Variants in SUV39H2 observed in about 807,000 individuals in gnomAD.
SUV39H2 encodes SUV39H2 histone lysine methyltransferase, also known as histone-lysine N-methyltransferase SUV39H2.
Under a neutral mutation model 47.5 loss-of-function variants are expected in SUV39H2, and 10 were observed. That is an observed-to-expected ratio of 0.21 (90% CI 0.13 to 0.36). The LOEUF (loss-of-function observed/expected upper bound fraction) is 0.36, where lower values mean the gene tolerates loss of function less well. Among genes scored for constraint, SUV39H2 ranks in the 10% least tolerant of loss-of-function variants. The probability of loss-of-function intolerance (pLI) is 1.00; values close to 1 mark genes in which losing one functional copy is unlikely to be tolerated. For missense variants in SUV39H2, 266 were observed against 487.4 expected (o/e 0.55, Z 4.28); for synonymous variants, 159 against 166.8 (o/e 0.95, Z 0.36).
chr10:14,889,007 G>T (rs2131681630), intron 2 of SUV39H2, among the ~76,000 whole-genome samples: 1 of 152,206 alleles, frequency 6.6e-6, no homozygotes, highest in East Asian at 1.9e-4. Flanking sequence ...AGAGGCTGAG[G>T]CAGGAGAATA....
chr10:14,899,117 C>A, intron 3 of SUV39H2: 1 of 652,416 alleles, frequency 1.5e-6, no homozygotes, highest in East Asian at 2.7e-5. Context: ...CCCAGGAGTT[C>A]CAGACCAGTG....
At chr10:14,885,546 T>G (rs568074307) in intron 2 of SUV39H2, among the ~76,000 whole-genome samples, 1 of 152,296 alleles carries the variant, frequency 6.6e-6, no homozygotes, top group South Asian at 2.1e-4. Context: ...GAATCCTGAG[T>G]GTTGTAGTTC....
intron 2 of SUV39H2, among the ~76,000 whole-genome samples, chr10:14,890,439 C>G (rs1217534725): frequency 6.6e-6 from 1 of 152,208 alleles, no homozygotes; most frequent in African/African-American, 2.4e-5. Context: ...GTTGCCCAAG[C>G]TGGAGTGCAG....
At chr10:14,884,325 C>A (rs190182648) in intron 2 of SUV39H2, among the ~76,000 whole-genome samples, 1 of 152,268 alleles carries the variant, frequency 6.6e-6, no homozygotes. Flanking sequence ...ACATCCTGGC[C>A]AAAACATGAT....
At chr10:14,897,601 T>TAAA in intron 3 of SUV39H2, 84 bp downstream of exon 3, 2 of 1,150,906 alleles carry the variant, frequency 1.7e-6, no homozygotes, top group Non-Finnish European at 2.3e-6. Context: ...CTTTAAGAGA[T>TAAA]ACTTGGTACA....
chr10:14,901,417 A>G (rs1032536312), intron 5 of SUV39H2, among the ~76,000 whole-genome samples, 155 bp downstream of exon 5: 1 of 152,236 alleles, frequency 6.6e-6, no homozygotes, highest in African/African-American at 2.4e-5. Context: ...AGCTAATCCA[A>G]CAGCTAATAC....
intron 2 of SUV39H2, among the ~76,000 whole-genome samples, chr10:14,895,093 C>T (rs902268691): frequency 6.7e-6 from 1 of 150,176 alleles, no homozygotes; most frequent in Non-Finnish European, 1.5e-5. Flanking sequence ...TATATTATTC[C>T]AGAAGAAAAA....
At chr10:14,881,717 A>C in intron 2 of SUV39H2, 72 bp downstream of exon 2, 1 of 1,244,672 alleles carries the variant, frequency 8.0e-7, no homozygotes, top group Non-Finnish European at 1.0e-6. Context: ...GTAACATAAA[A>C]AGAACATTAA....
intron 2 of SUV39H2, among the ~76,000 whole-genome samples, chr10:14,896,034 C>A (rs760773819): frequency 2.0e-5 from 3 of 151,746 alleles, no homozygotes; most frequent in Admixed American, 2.0e-4. Context: ...ACCTCTGCCT[C>A]CCAGTTTCAA....
At position 14,881,665 on chromosome 10, in the gene SUV39H2, C is replaced by T. The variant is rs774686998; in HGVS notation, c.177+20C>T. 1.3e-5 allele frequency: 19 copies of T among 1,487,614 alleles called. No individual in the cohort carries two copies. Among genetic ancestry groups the T allele is most frequent in the Non-Finnish European group, 1.6e-5 (18 of 1,119,414 alleles). 92.2% of individuals were successfully genotyped at this position (1,487,614 alleles called of 1,614,324 possible). On this transcript the variant is annotated intron_variant, in intron 2 of 5. Coordinates refer to ENST00000354919, the MANE Select transcript of SUV39H2 (RefSeq NM_001193424.2). ...GTAAAGGTAAGGCAAATATCTAGCC[C>T]CTTACAAGAGACCTAATCAGACTTC...
chr10:14,899,364 C>A, intron 3 of SUV39H2, 175 bp from the exon 4 acceptor site: 1 of 724,718 alleles, frequency 1.4e-6, no homozygotes, highest in Non-Finnish European at 2.4e-6. Flanking sequence ...TTTTCTTCCC[C>A]TCATTTTCCC....
At position 14,897,304 on chromosome 10, in the gene SUV39H2, T is replaced by C. The variant is rs2131702820; in HGVS notation, c.636T>C (p.Tyr212=). ...CPAEAGVLLA[Y]NKNQQIKIPP... ...CTGAAGCTGGAGTTCTTTTGGCTTA[T>C]AATAAAAACCAACAAATTAAAATCC... is the stretch of plus-strand genomic sequence containing the variant. The change falls in exon 3 of 6, where the codon TAT becomes TAC. Residue 212 remains tyrosine, a synonymous_variant. Transcript: ENST00000354919. 1 of 1,613,498 alleles carries C rather than the reference T, an allele frequency of 6.2e-7. No individual in the cohort carries two copies. The highest frequency in any genetic ancestry group is 8.5e-7 in the Non-Finnish European group (1 of 1,179,900).
chr10:14,887,537 G>A (rs556494169), intron 2 of SUV39H2, among the ~76,000 whole-genome samples: 3 of 152,184 alleles, frequency 2.0e-5, no homozygotes, highest in Non-Finnish European at 4.4e-5. Flanking sequence ...TGGAAGTGGG[G>A]CTCAAATCAG....
chr10:14,887,625 A>G (rs1165100896), intron 2 of SUV39H2, among the ~76,000 whole-genome samples: 1 of 152,208 alleles, frequency 6.6e-6, no homozygotes, highest in Non-Finnish European at 1.5e-5. Context: ...GAGTGGATGC[A>G]GTTTCCTGTT....
chr10:14,882,827 C>T (rs1833078755), intron 2 of SUV39H2, among the ~76,000 whole-genome samples: 1 of 151,670 alleles, frequency 6.6e-6, no homozygotes, highest in South Asian at 2.1e-4. Context: ...GAGGTGTCAC[C>T]ATTTTTCTTT....
chr10:14,896,760 C>A, intron 2 of SUV39H2, 86 bp from the exon 3 acceptor site: 3 of 1,179,404 alleles, frequency 2.5e-6, no homozygotes. Flanking sequence ...GTATTGGATA[C>A]CTTACTCTTT....
At chr10:14,894,393 A>G in intron 2 of SUV39H2, among the ~76,000 whole-genome samples, 1 of 38,620 alleles carries the variant, frequency 2.6e-5, no homozygotes, top group Non-Finnish European at 3.5e-5. Flanking sequence ...TTTGAGACGG[A>G]GTCTCGCTCT....
intron 2 of SUV39H2, among the ~76,000 whole-genome samples, chr10:14,895,344 T>G (rs1345003298): frequency 1.3e-5 from 2 of 152,150 alleles, no homozygotes; most frequent in East Asian, 3.9e-4. Context: ...ACCCGGCTAA[T>G]TTTTTGTATT....
chr10:14,892,850 T>C (rs1051610531), intron 2 of SUV39H2, among the ~76,000 whole-genome samples: 1 of 150,926 alleles, frequency 6.6e-6, no homozygotes, highest in Non-Finnish European at 1.5e-5. Context: ...GGTCTCGCGC[T>C]GTCACTCAGA....
Sources: allele counts gnomAD v4.1 joint callset (sites outside exome capture counted in the v4.1 genomes callset), GRCh38; gene constraint gnomAD v4.1.1; transcripts MANE v1.5; gene names NCBI Gene and HGNC (gene_info 2026-07-23, HGNC 2026-07-21).